NRXN1: variants seen among roughly 807,000 people sequenced by gnomAD.
NRXN1 encodes the protein neurexin-1.
In NRXN1, 39 loss-of-function variants were observed where a neutral mutation model predicts 150.9. That is an observed-to-expected ratio of 0.26 (90% CI 0.20 to 0.34). The LOEUF (loss-of-function observed/expected upper bound fraction) is 0.34, where lower values mean the gene tolerates loss of function less well. Ranked by LOEUF, NRXN1 falls within the 10% of genes least tolerant of loss-of-function variation. The probability of loss-of-function intolerance (pLI) is 1.00; values close to 1 mark genes in which losing one functional copy is unlikely to be tolerated. For missense variants in NRXN1, 1,815 were observed against 1,949.9 expected, an observed-to-expected ratio of 0.93 and a Z score of 1.30; for synonymous variants, 924 against 757.0, an observed-to-expected ratio of 1.22 and a Z score of -3.62.
At chr2:50,829,585 C>G in intron 5 of NRXN1, 1 of 1,611,978 alleles carries the variant, frequency 6.2e-7, no homozygotes, top group Non-Finnish European at 8.5e-7. Flanking sequence ...ATGTAGCCAT[C>G]GTCTGTGCTG....
chr2:50,386,919 T>C (rs1572780897), intron 17 of NRXN1, among the ~76,000 whole-genome samples: 1 of 152,268 alleles, frequency 6.6e-6, no homozygotes, highest in Non-Finnish European at 1.5e-5. Flanking sequence ...CTATGCCTTA[T>C]ACAATACTCC....
chr2:50,295,665 G>A (rs1041189725), intron 17 of NRXN1, among the ~76,000 whole-genome samples: 3 of 152,144 alleles, frequency 2.0e-5, no homozygotes, highest in African/African-American at 7.2e-5. Context: ...ACCAGATTCT[G>A]AACCAGTCTT....
At position 50,091,411 on chromosome 2, in the gene NRXN1, C is replaced by T. The variant is rs200865423; in HGVS notation, c.3630G>A (p.Gly1210=). ...IEESNAIIND[G]KYHVVRFTRS... ...TCGTGAAACGAACTACATGGTATTT[C>T]CCATCATTAATGATTGCATTGGATT... The change falls in exon 19 of 23, where the codon GGG becomes GGA. Residue 1210 remains glycine (G), a synonymous_variant. Coordinates refer to ENST00000401669, the MANE Select transcript of NRXN1 (RefSeq NM_001330078.2). The T allele has an allele frequency of 1.2e-6, 2 of 1,614,212 alleles. No individual in the cohort carries two copies. Among genetic ancestry groups the T allele is most frequent in the Non-Finnish European group, 1.7e-6 (2 of 1,180,038 alleles).
intron 15 of NRXN1, among the ~76,000 whole-genome samples, chr2:50,491,267 GGGATAT>G (rs1476792399): frequency 6.6e-6 from 1 of 152,180 alleles, no homozygotes; most frequent in Non-Finnish European, 1.5e-5. Context: ...TAAAATGGAG[GGGATAT>G]GTGTTATATT....
At chr2:50,262,024 C>A (rs1716005) in intron 17 of NRXN1, among the ~76,000 whole-genome samples, 1 of 151,648 alleles carries the variant, frequency 6.6e-6, no homozygotes, top group East Asian at 1.9e-4. Flanking sequence ...CCACCAAAGC[C>A]GGCGTTAACC....
chr2:50,458,626 C>A (rs564782121), intron 17 of NRXN1, among the ~76,000 whole-genome samples: 16 of 150,640 alleles, frequency 1.1e-4, no homozygotes, highest in Non-Finnish European at 1.0e-4. Context: ...GTTGCCCAGG[C>A]TGGAGTGCAA....
chr2:50,488,552 C>T (rs764074765), intron 15 of NRXN1, among the ~76,000 whole-genome samples: 2 of 152,180 alleles, frequency 1.3e-5, no homozygotes, highest in Non-Finnish European at 2.9e-5. Context: ...TGGCTTATTG[C>T]TAAGAGCTTT....
intron 5 of NRXN1, among the ~76,000 whole-genome samples, chr2:50,661,746 A>G (rs1212710563): frequency 1.3e-5 from 2 of 152,066 alleles, no homozygotes; most frequent in African/African-American, 4.8e-5. Flanking sequence ...AGAACCCCCA[A>G]AAAAGGATTA....
intron 12 of NRXN1, among the ~76,000 whole-genome samples, chr2:50,520,469 A>G (rs997688513): frequency 1.3e-5 from 2 of 151,948 alleles, no homozygotes; most frequent in Admixed American, 6.6e-5. Context: ...AATAGAAAAA[A>G]AAACTAAAAA....
rs1365203813 is a variant in NRXN1, at chr2:50,346,086, C to G, written c.3365-109116G>C. The stretch of plus-strand genomic sequence containing the variant: ...CTGGCCCGCATTAAAGGGGATGACT[C>G]GGTTGCCCTCCTAGCTTTTCTAATT... On this transcript the variant is annotated intron_variant, in intron 17 of 22. Coordinates refer to ENST00000401669, the MANE Select transcript of NRXN1 (RefSeq NM_001330078.2). The surrounding 1 kb of genome is among the most constrained non-coding windows in gnomAD (Gnocchi z 5.0). Among the ~76,000 whole-genome samples, 1 of 152,174 alleles carries G rather than the reference C, an allele frequency of 6.6e-6. No homozygotes were observed. The highest frequency in any genetic ancestry group is 2.4e-5 in the African/African-American group (1 of 41,458).
At chr2:50,374,139 G>GA (rs965339644) in intron 17 of NRXN1, among the ~76,000 whole-genome samples, 12 of 149,006 alleles carry the variant, frequency 8.1e-5, no homozygotes, top group African/African-American at 1.2e-4. Flanking sequence ...TCAAAAAGAA[G>GA]AAAAAAAAAT....
At chr2:50,511,383 G>T (rs2092447678) in intron 12 of NRXN1, among the ~76,000 whole-genome samples, 1 of 152,122 alleles carries the variant, frequency 6.6e-6, no homozygotes, top group African/African-American at 2.4e-5. Context: ...AAATTATTCT[G>T]TTCATTAGAC....
At chr2:50,680,070 G>C (rs1403166970) in intron 5 of NRXN1, among the ~76,000 whole-genome samples, 1 of 152,062 alleles carries the variant, frequency 6.6e-6, no homozygotes, top group Non-Finnish European at 1.5e-5. Flanking sequence ...GATTGTTTGA[G>C]CCTAGGAGGT....
At chr2:50,966,205 T>C (rs1694043702) in intron 2 of NRXN1, among the ~76,000 whole-genome samples, 1 of 151,728 alleles carries the variant, frequency 6.6e-6, no homozygotes, top group South Asian at 2.1e-4. Flanking sequence ...CTTAGTATCT[T>C]ACATGGAAGA....
chr2:50,077,840 AT>A (rs1169903806), intron 19 of NRXN1, among the ~76,000 whole-genome samples: 1 of 152,136 alleles, frequency 6.6e-6, no homozygotes, highest in Non-Finnish European at 1.5e-5. Context: ...TATAGATAAT[AT>A]GCCCAAGATG....
intron 17 of NRXN1, among the ~76,000 whole-genome samples, chr2:50,269,415 T>C (rs528338462): frequency 1.2e-4 from 19 of 152,230 alleles, no homozygotes; most frequent in Non-Finnish European, 2.4e-4. Context: ...CCCAACTTTG[T>C]ATTTAAGTCC....
At chr2:50,383,892 C>G (rs2081140576) in intron 17 of NRXN1, among the ~76,000 whole-genome samples, 1 of 152,188 alleles carries the variant, frequency 6.6e-6, no homozygotes, top group African/African-American at 2.4e-5. Flanking sequence ...CAGTTGGGAA[C>G]TGGCAGCTAA....
chr2:50,648,325 T>A (rs1158276721), intron 5 of NRXN1, among the ~76,000 whole-genome samples: 1 of 152,062 alleles, frequency 6.6e-6, no homozygotes, highest in Non-Finnish European at 1.5e-5. Flanking sequence ...TTTTCCATCA[T>A]GCTTTTGTCA....
intron 18 of NRXN1, among the ~76,000 whole-genome samples, chr2:50,187,452 C>T (rs1238856126): frequency 6.6e-6 from 1 of 151,928 alleles, no homozygotes; most frequent in African/African-American, 2.4e-5. Flanking sequence ...TTTTATTATG[C>T]TGTTGATCTC....
Sources: allele counts gnomAD v4.1 joint callset (sites outside exome capture counted in the v4.1 genomes callset), GRCh38; gene constraint gnomAD v4.1.1; non-coding constraint Gnocchi (gnomAD v3.1); transcripts MANE v1.5; gene names NCBI Gene and HGNC (gene_info 2026-07-23, HGNC 2026-07-21).